CATSPERT: variants seen among roughly 807,000 people sequenced by gnomAD.
CATSPERT encodes catsper channel auxiliary subunit tau, also known as cation channel sperm-associated targeting subunit tau.
At chr2:201,522,474 T>C in the CATSPERT span, among the ~76,000 whole-genome samples, 1 of 152,020 alleles carries the variant, frequency 6.6e-6, no homozygotes, top group Non-Finnish European at 1.5e-5. Context: ...GGAGGGAGGA[T>C]GCAGACTCTG....
chr2:201,507,293 A>C, the CATSPERT span, among the ~76,000 whole-genome samples: 1 of 152,230 alleles, frequency 6.6e-6, no homozygotes, highest in African/African-American at 2.4e-5. Context: ...GAAACTATCC[A>C]ATACTAAAGA....
At chr2:201,488,049 A>G in the CATSPERT span, 1 of 689,838 alleles carries the variant, frequency 1.4e-6, no homozygotes, top group Non-Finnish European at 2.3e-6. Context: ...GTTAAAGACA[A>G]AGAATGAAAA....
chr2:201,537,065 T>C, the CATSPERT span, among the ~76,000 whole-genome samples: 1 of 151,996 alleles, frequency 6.6e-6, no homozygotes, highest in African/African-American at 2.4e-5. Flanking sequence ...TTTTAAACTA[T>C]AGAATATCAT....
the CATSPERT span, among the ~76,000 whole-genome samples, chr2:201,608,925 G>A: frequency 6.6e-6 from 1 of 151,000 alleles, no homozygotes; most frequent in Non-Finnish European, 1.5e-5. Context: ...CCAACTATAT[G>A]CTGCCTATAA....
chr2:201,492,253 T>C, the CATSPERT span: 1 of 1,519,600 alleles, frequency 6.6e-7, no homozygotes, highest in South Asian at 1.2e-5. Flanking sequence ...TGTTTTTATA[T>C]ATTTTAATGG....
the CATSPERT span, among the ~76,000 whole-genome samples, chr2:201,518,998 A>G: frequency 6.6e-6 from 1 of 152,236 alleles, no homozygotes; most frequent in South Asian, 2.1e-4. Flanking sequence ...GATCCAGCAT[A>G]TAACACAATA....
At chr2:201,570,355 G>A in the CATSPERT span, among the ~76,000 whole-genome samples, 1 of 152,004 alleles carries the variant, frequency 6.6e-6, no homozygotes, top group Non-Finnish European at 1.5e-5. Flanking sequence ...AGTATATATG[G>A]AGTACATTCC....
At chr2:201,520,468 C>T in the CATSPERT span, among the ~76,000 whole-genome samples, 1 of 152,132 alleles carries the variant, frequency 6.6e-6, no homozygotes, top group South Asian at 2.1e-4. Context: ...TATCTAGTCT[C>T]TTATCTGACC....
the CATSPERT span, among the ~76,000 whole-genome samples, chr2:201,516,070 A>G: frequency 5.9e-4 from 90 of 152,318 alleles, no homozygotes; most frequent in Non-Finnish European, 1.1e-3. Flanking sequence ...GGCCTACTAC[A>G]CACCTATGCT....
the CATSPERT span, among the ~76,000 whole-genome samples, chr2:201,609,458 C>T: frequency 5.1e-4 from 78 of 152,266 alleles, no homozygotes; most frequent in Middle Eastern, 3.4e-3. Flanking sequence ...CAAGTCTTAC[C>T]AAATTTTAAA....
chr2:201,530,102 T>C, the CATSPERT span, among the ~76,000 whole-genome samples: 1 of 152,140 alleles, frequency 6.6e-6, no homozygotes, highest in African/African-American at 2.4e-5. Context: ...AGAAGAATGA[T>C]ACGTGTTGGC....
At chr2:201,609,370 C>G in the CATSPERT span, among the ~76,000 whole-genome samples, 6 of 152,252 alleles carry the variant, frequency 3.9e-5, no homozygotes, top group South Asian at 4.2e-4. Context: ...ATATTTCATC[C>G]AACAGCTACC....
chr2:201,492,318 T>C, the CATSPERT span: 1 of 1,536,124 alleles, frequency 6.5e-7, no homozygotes, highest in South Asian at 1.2e-5. Flanking sequence ...CTAATTGCTT[T>C]TTTGTCATTA....
the CATSPERT span, chr2:201,550,298 G>C: frequency 6.6e-6 from 1 of 152,110 alleles, no homozygotes; most frequent in East Asian, 1.9e-4. Flanking sequence ...CTATGTCATC[G>C]TGAAGCTAAG....
the CATSPERT span, among the ~76,000 whole-genome samples, chr2:201,507,547 A>G: frequency 6.6e-6 from 1 of 152,260 alleles, no homozygotes; most frequent in African/African-American, 2.4e-5. Context: ...TTCCCTGCCA[A>G]TATTAAATGA....
the CATSPERT span, among the ~76,000 whole-genome samples, chr2:201,509,904 G>A: frequency 2.0e-5 from 3 of 150,812 alleles, no homozygotes; most frequent in Non-Finnish European, 4.4e-5. Context: ...TAACCTTTAA[G>A]TACAATCAAC....
At chr2:201,515,795 C>T in the CATSPERT span, among the ~76,000 whole-genome samples, 36 of 152,244 alleles carry the variant, frequency 2.4e-4, no homozygotes, top group South Asian at 6.2e-3. Context: ...CACTTAAATC[C>T]GGATCCACCC....
chr2:201,617,621 C>G, the CATSPERT span, among the ~76,000 whole-genome samples: 5 of 152,048 alleles, frequency 3.3e-5, no homozygotes, highest in Non-Finnish European at 5.9e-5. Context: ...GAAAACCTAG[C>G]CAATACCATT....
At chr2:201,569,769 T>A in the CATSPERT span, among the ~76,000 whole-genome samples, 1 of 152,216 alleles carries the variant, frequency 6.6e-6, no homozygotes, top group Non-Finnish European at 1.5e-5. Context: ...TTCCTCTACA[T>A]TAATCGAGCA....
Sources: gnomAD v4.1 joint callset for allele counts (sites outside exome capture counted in the v4.1 genomes callset) on GRCh38, gnomAD v4.1.1 for gene constraint, MANE v1.5 for transcripts, NCBI Gene and HGNC (gene_info 2026-07-23, HGNC 2026-07-21) for gene names.